Variants in IGFBP7 observed in about 807,000 individuals in gnomAD.
IGFBP7 encodes insulin-like growth factor-binding protein 7.
IGFBP7 carries 31 observed loss-of-function variants against 29.4 expected under a neutral mutation model. The observed-to-expected ratio is 1.05, with a 90% confidence interval of 0.79 to 1.42. The LOEUF (loss-of-function observed/expected upper bound fraction) is 1.42, where lower values mean the gene tolerates loss of function less well. Among genes scored for constraint, IGFBP7 ranks in the 40% most tolerant of loss-of-function variants. The pLI, the probability that IGFBP7 is intolerant of heterozygous loss-of-function variation, is 0.00. For missense variants in IGFBP7, 393 were observed against 395.5 expected, an observed-to-expected ratio of 0.99 and a Z score of 0.05; for synonymous variants, 172 against 174.9, an observed-to-expected ratio of 0.98 and a Z score of 0.13.
In IGFBP7 at chr4:57,033,283, C is replaced by T; in HGVS notation, c.614G>A (p.Arg205Lys). The T allele has an allele frequency of 1.2e-6, 2 of 1,613,972 alleles. No homozygotes were observed. Among genetic ancestry groups the T allele is most frequent in the East Asian group, 2.2e-5 (1 of 44,882 alleles). The change falls in exon 3 of 5, where the codon AGG (arginine) becomes AAG (lysine). Residue 205 changes from arginine to lysine, a missense_variant. Coordinates refer to ENST00000295666, the MANE Select transcript of IGFBP7 (RefSeq NM_001553.3). The part of the protein sequence containing the change: ...KVKRGHYGVQ[R>K]TELLPGDRDN... ...CCGGTCACCAGGCAGGAGTTCTGTC[C>T]TTTGAACTCCATAGTGACCCCTTTT... is the stretch of plus-strand genomic sequence containing the variant.
chr4:57,039,942 CT>C (rs538511491), intron 2 of IGFBP7, among the ~76,000 whole-genome samples: 7,740 of 148,072 alleles, frequency 0.052, 270 homozygotes, highest in East Asian at 0.16. Flanking sequence ...TTTTTTTTTT[CT>C]TTTTTTCCAT....
chr4:57,043,469 A>G (rs1165588373), intron 1 of IGFBP7, among the ~76,000 whole-genome samples: 1 of 152,148 alleles, frequency 6.6e-6, no homozygotes, highest in Non-Finnish European at 1.5e-5. Flanking sequence ...CAAAGGACAT[A>G]AAGTCTCCCC....
chr4:57,072,917 A>T (rs17051699), intron 1 of IGFBP7: 9,664 of 725,690 alleles, frequency 0.013, 504 homozygotes, highest in African/African-American at 0.13. Context: ...CAACATGGAC[A>T]CCCAGGGTAA....
At chr4:57,109,710 C>T in intron 1 of IGFBP7, 167 bp downstream of exon 1, 2 of 807,666 alleles carry the variant, frequency 2.5e-6, no homozygotes, top group Non-Finnish European at 3.6e-6. Context: ...CCCACCGCTC[C>T]TGGCATTCCG....
At chr4:57,057,573 TA>T (rs1724704648) in intron 1 of IGFBP7, among the ~76,000 whole-genome samples, 2 of 152,218 alleles carry the variant, frequency 1.3e-5, no homozygotes, top group Admixed American at 1.3e-4. Flanking sequence ...ACTCATTCTT[TA>T]GAGGCACGAG....
At chr4:57,048,068 T>TC (rs1319294489) in intron 1 of IGFBP7, among the ~76,000 whole-genome samples, 3 of 151,240 alleles carry the variant, frequency 2.0e-5, no homozygotes, top group African/African-American at 7.3e-5. Context: ...CTTTTTTTTT[T>TC]TGAGACGGAG....
chr4:57,031,330 C>G lies in IGFBP7; in HGVS notation c.836G>C (p.Gly279Ala). Residue 279 changes from glycine to alanine, a missense_variant, in exon 5 of 5, where the codon GGT becomes GCT. Transcript: ENST00000295666. The stretch of plus-strand genomic sequence containing the variant: ...TATTCTGGAGGTTTATAGCTCGGCA[C>G]CTTCACCTGTTTAAAAAAAAAAAAA... ...LHEIPVKKGE[G>A]AEL 2 of 1,602,382 alleles carry G rather than the reference C, an allele frequency of 1.2e-6. No homozygotes were observed. The highest frequency in any genetic ancestry group is 1.7e-6 in the Non-Finnish European group (2 of 1,173,968).
chr4:57,084,049 G>C (rs1254371899), intron 1 of IGFBP7, among the ~76,000 whole-genome samples: 1 of 152,116 alleles, frequency 6.6e-6, no homozygotes, highest in East Asian at 1.9e-4. Flanking sequence ...GTCCTATACA[G>C]TAAAATACAA....
At chr4:57,063,757 G>T (rs1440850752) in intron 1 of IGFBP7, among the ~76,000 whole-genome samples, 2 of 151,984 alleles carry the variant, frequency 1.3e-5, no homozygotes, top group Non-Finnish European at 2.9e-5. Flanking sequence ...TCAATGTTTG[G>T]GTATGCCCTT....
intron 1 of IGFBP7, among the ~76,000 whole-genome samples, chr4:57,066,704 C>T (rs1303791461): frequency 3.3e-5 from 5 of 151,752 alleles, no homozygotes; most frequent in African/African-American, 1.2e-4. Context: ...GCTGAGATTA[C>T]AGGTATGCGC....
chr4:57,045,734 CTTT>C (rs11423399), intron 1 of IGFBP7, among the ~76,000 whole-genome samples: 1 of 145,216 alleles, frequency 6.9e-6, no homozygotes, highest in Non-Finnish European at 1.5e-5. Flanking sequence ...GGAAAAACTC[CTTT>C]TTTTTTTTTT....
At chr4:57,064,661 A>G (rs1004483219) in intron 1 of IGFBP7, among the ~76,000 whole-genome samples, 1 of 152,262 alleles carries the variant, frequency 6.6e-6, no homozygotes, top group South Asian at 2.1e-4. Flanking sequence ...TTCCCTACTA[A>G]TATTTTCATA....
intron 3 of IGFBP7, 30 bp from the exon 4 acceptor site, chr4:57,032,582 CTG>C: frequency 1.3e-6 from 2 of 1,537,380 alleles, no homozygotes; most frequent in Non-Finnish European, 1.8e-6. Flanking sequence ...TAGTATTCCT[CTG>C]TGGTGGTCTT....
intron 1 of IGFBP7, among the ~76,000 whole-genome samples, chr4:57,053,019 C>CTTTTTTTT: frequency 7.1e-6 from 1 of 141,106 alleles, no homozygotes; most frequent in East Asian, 2.1e-4. Flanking sequence ...TCTTTTCTAT[C>CTTTTTTTT]TTTTTTTTTT....
rs553558805 is a variant in IGFBP7 at position 57,073,964 on chromosome 4, C to T, written c.476-33031G>A. Among the ~76,000 whole-genome samples the T allele has an allele frequency of 1.9e-3, 294 of 152,326 alleles. 1 individual carries two copies. The highest frequency in any genetic ancestry group is 6.8e-3 in the African/African-American group (283 of 41,578). On this transcript the variant is annotated intron_variant, in intron 1 of 4. Transcript: ENST00000295666. ...AGCGACTTTCCCAAGGGCAGCAGCT[C>T]ACCCAGCCACTGTCCTGGCACCAGC...
chr4:57,031,434 T>C lies in IGFBP7; in HGVS notation c.830-98A>G, dbSNP rs2109732236. ...TTGAGTGTTTCCAAATAAATGAAGA[T>C]GTTAAAATATGGGGATAAAGGATAT... On this transcript the variant is annotated intron_variant, in intron 4 of 4. Transcript: ENST00000295666. 3.6e-6 allele frequency: 3 copies of C among 843,032 alleles called. No individual in the cohort carries two copies. In the East Asian group the frequency reaches 7.3e-5, roughly 21 times the overall value. The allele number at this position is 843,032 out of a possible 1,614,324, so 52.2% of individuals were successfully genotyped here. A position where few individuals can be genotyped will look rare whatever the true frequency, so the allele number is the denominator to read the frequency against.
rs139467935 is a variant in IGFBP7, at chr4:57,066,423, C to T, written c.476-25490G>A. ...TGCAGCCTCAGGGGACACTCCAGGC[C>T]AGAACCACAAAACTAAGCTACTCCC... is the stretch of plus-strand genomic sequence containing the variant. On this transcript the variant is annotated intron_variant, in intron 1 of 4. Transcript: ENST00000295666. Among the ~76,000 whole-genome samples the T allele has an allele frequency of 4.9e-4, 75 of 152,254 alleles. 1 individual carries two copies. In the East Asian group the frequency reaches 0.013, roughly 26 times the overall value.
Position 57,032,293 on chromosome 4 carries a change from A to G in IGFBP7, c.829+133T>C, listed in dbSNP as rs1478388498. On this transcript the variant is annotated intron_variant, in intron 4 of 4. Transcript: ENST00000295666. Reference sequence around the variant, plus strand: ...CTCATGCTGTACATTTTAATGGCATACTTAATGCCCTTATGGGTTGCTAAC... The same window carrying G: ...CTCATGCTGTACATTTTAATGGCATGCTTAATGCCCTTATGGGTTGCTAAC... The G allele has an allele frequency of 1.5e-5, 22 of 1,454,690 alleles. No individual in the cohort carries two copies. The East Asian group carries it at 2.4e-4, about 16-fold the overall frequency. The allele number at this position is 1,454,690 out of a possible 1,614,324, so 90.1% of individuals were successfully genotyped here. A position where few individuals can be genotyped will look rare whatever the true frequency, so the allele number is the denominator to read the frequency against.
At position 57,096,055 on chromosome 4, in the gene IGFBP7, A is replaced by G. The variant is rs138753871; in HGVS notation, c.475+13822T>C. ...ACTGGGCTAATGGAGCGTATGTTCT[A>G]GTGAAATAATAGAAAGATTGGATCA... On this transcript the variant is annotated intron_variant, in intron 1 of 4. Coordinates refer to ENST00000295666, the MANE Select transcript of IGFBP7 (RefSeq NM_001553.3). Among the ~76,000 whole-genome samples, 1,400 of 152,158 alleles carry G rather than the reference A, an allele frequency of 9.2e-3. 22 individuals are homozygous for G. Among genetic ancestry groups the G allele is most frequent in the African/African-American group, 0.032 (1,341 of 41,508 alleles).
Sources: allele counts gnomAD v4.1 joint callset (sites outside exome capture counted in the v4.1 genomes callset), GRCh38; gene constraint gnomAD v4.1.1; transcripts MANE v1.5; gene names NCBI Gene and HGNC (gene_info 2026-07-23, HGNC 2026-07-21).